PI4KA: variants seen among roughly 807,000 people sequenced by gnomAD.
PI4KA encodes phosphatidylinositol 4-kinase alpha, also known as PI4-kinase alpha.
PI4KA carries 122 observed loss-of-function variants against 271.4 expected under a neutral mutation model. The observed-to-expected ratio is 0.45, with a 90% CI of 0.39 to 0.52. The LOEUF is 0.52. PI4KA is among the 20% of genes least tolerant of loss of function. The pLI is 0.00. For synonymous variants in PI4KA, 1,041 were observed against 1,078.8 expected (o/e 0.96, Z 0.69); for missense variants, 1,969 against 2,769.1 (o/e 0.71, Z 6.48).
chr22:20,845,707 A>G (rs1926143719), intron 1 of PI4KA, among the ~76,000 whole-genome samples: 1 of 152,270 alleles, frequency 6.6e-6, no homozygotes, highest in East Asian at 1.9e-4. Context: ...TTCATTAGAG[A>G]TGCGCTTTTG....
At chr22:20,746,272 C>T in intron 29 of PI4KA, among the ~76,000 whole-genome samples, 1 of 151,842 alleles carries the variant, frequency 6.6e-6, no homozygotes, top group Non-Finnish European at 1.5e-5. Flanking sequence ...CCGTGTTGGC[C>T]AGGATGGTCT....
chr22:20,711,104 C>A (rs1925214733), intron 51 of PI4KA: 1 of 548,992 alleles, frequency 1.8e-6, no homozygotes, highest in Non-Finnish European at 3.2e-6. Flanking sequence ...CCACTCCGCC[C>A]AGCTCCAGCT....
intron 10 of PI4KA, among the ~76,000 whole-genome samples, chr22:20,805,998 T>G (rs1555900364): frequency 1.3e-5 from 2 of 152,000 alleles, no homozygotes; most frequent in Non-Finnish European, 2.9e-5. Context: ...ACCACCATGA[T>G]GCACGCACAA....
At chr22:20,831,597 AAAAACAAAAACAAAAAC>A (rs369918027) in intron 3 of PI4KA, among the ~76,000 whole-genome samples, 7,117 of 118,776 alleles carry the variant, frequency 0.06, 206 homozygotes, top group Middle Eastern at 0.12. Flanking sequence ...AAACAAAAAC[AAAAACAAAAACAAAAAC>A]AAAACAAAAC....
chr22:20,765,191 G>A lies in PI4KA; in HGVS notation c.2483C>T (p.Thr828Ile). ...EWYEGVCEIA[T>I]KSPLLTFPSK... ...GGGAAAGGTGAGCAAGGGGGACTTA[G>A]TGGCTATTTCACAGACCCCCTCGTA... is the stretch of plus-strand genomic sequence containing the variant. The change falls in exon 21 of 55, where the codon ACT becomes ATT. Residue 828 changes from threonine (T) to isoleucine (I), a missense_variant. By Grantham distance (89) the Thr-to-Ile change is moderately conservative. Coordinates refer to ENST00000255882, the MANE Select transcript of PI4KA (RefSeq NM_058004.4). The A allele has an allele frequency of 6.2e-7, 1 of 1,613,906 alleles. No homozygotes were observed.
chr22:20,834,811 C>T (rs909928883), intron 2 of PI4KA, among the ~76,000 whole-genome samples, 156 bp from the exon 3 acceptor site: 10 of 152,222 alleles, frequency 6.6e-5, no homozygotes, highest in African/African-American at 1.2e-4. Context: ...ATTCACATGG[C>T]ATCACTCCAT....
chr22:20,822,210 AATTTTT>A (rs1460742180), intron 4 of PI4KA, among the ~76,000 whole-genome samples: 1 of 151,946 alleles, frequency 6.6e-6, no homozygotes, highest in Non-Finnish European at 1.5e-5. Context: ...ATGCCCAGCT[AATTTTT>A]ATTTTTATTT....
intron 19 of PI4KA, among the ~76,000 whole-genome samples, chr22:20,769,520 T>G (rs1932780563): frequency 6.6e-6 from 1 of 151,686 alleles, no homozygotes; most frequent in African/African-American, 2.4e-5. Flanking sequence ...ATACAAAAAA[T>G]TAGCCAGGCG....
At chr22:20,787,698 T>C (rs1934360082) in intron 19 of PI4KA, 1 of 156,662 alleles carries the variant, frequency 6.4e-6, no homozygotes, top group Non-Finnish European at 1.4e-5. Flanking sequence ...TAGAGATAAA[T>C]AAATGTAGCC....
Position 20,714,485 on chromosome 22 carries a change from A to G in PI4KA, c.5434T>C (p.Cys1812Arg). 1 of 1,613,266 alleles carries G rather than the reference A, an allele frequency of 6.2e-7. No homozygotes were observed. The highest frequency in any genetic ancestry group is 8.5e-7 in the Non-Finnish European group (1 of 1,179,422). The change falls in exon 47 of 55, where the codon TGT becomes CGT. Residue 1812 changes from cysteine (C) to arginine (R), a missense_variant. Physicochemically the swap from Cys to Arg is radical, Grantham distance 180. Around this residue, in one of 13 missense-constraint regions of PI4KA, gnomAD observed 388 missense variants for 521.5 expected, o/e 0.74. Transcript: ENST00000255882. ...PYLAKFKVKR[C>R]GVSELEKEGL... ...TCTTTTTCAAGTTCACTAACTCCAC[A>G]TCGCTTCACCTTGAACTTGGCCAGA...
rs577579046 is a variant in PI4KA, at chr22:20,856,415, C to T, written c.156+2155G>A. 2.6e-5 allele frequency among the ~76,000 whole-genome samples: 4 copies of T among 151,198 alleles called. No homozygotes were observed. In the South Asian group the frequency reaches 8.3e-4, roughly 32 times the overall value. On this transcript the variant is annotated intron_variant, in intron 1 of 54. Transcript: ENST00000255882. ...GCCAACCTGTGGCTATGGCTGTGTT[C>T]CTTGTAAAATATAATCTTTTTCTTT...
chr22:20,793,305 AC>A (rs1434135299), intron 18 of PI4KA, 62 bp from the exon 19 acceptor site: 5 of 905,476 alleles, frequency 5.5e-6, no homozygotes, highest in Non-Finnish European at 9.0e-6. Context: ...AAAAAAAAAA[AC>A]ACAAGATACA....
chr22:20,792,381 C>T (rs1023844602), intron 19 of PI4KA, among the ~76,000 whole-genome samples: 1 of 152,152 alleles, frequency 6.6e-6, no homozygotes, highest in African/African-American at 2.4e-5. Context: ...CGTCCCTAGG[C>T]TGCCCTAGCA....
At chr22:20,761,230 A>T in intron 23 of PI4KA, 74 bp downstream of exon 23, 1 of 835,078 alleles carries the variant, frequency 1.2e-6, no homozygotes, top group East Asian at 2.4e-5. Context: ...TGTAGACAGA[A>T]AAGAGGAAGT....
At position 20,769,883 on chromosome 22, in the gene PI4KA, G is replaced by A. The variant is rs1932795649; in HGVS notation, c.2329-4190C>T. Among the ~76,000 whole-genome samples the A allele has an allele frequency of 2.6e-5, 4 of 152,288 alleles. 1 individual carries two copies. The South Asian group carries it at 8.3e-4, about 32-fold the overall frequency. ...TGTGATCTTCCCAGGAGTGATGGTA[G>A]CACAGCACAGGGCAGAGACCCGTCC... On this transcript the variant is annotated intron_variant, in intron 19 of 54. Transcript: ENST00000255882.
chr22:20,853,790 T>G (rs1422993405), intron 1 of PI4KA, among the ~76,000 whole-genome samples: 1 of 151,980 alleles, frequency 6.6e-6, no homozygotes, highest in East Asian at 1.9e-4. Flanking sequence ...GAATGGGATC[T>G]TGGTCAGGTT....
intron 1 of PI4KA, among the ~76,000 whole-genome samples, chr22:20,855,584 T>C (rs1190137489): frequency 6.6e-6 from 1 of 152,198 alleles, no homozygotes; most frequent in East Asian, 1.9e-4. Context: ...ACTAAAAGCA[T>C]GTCAGGGCTG....
chr22:20,840,382 G>C (rs2147782806), intron 1 of PI4KA, among the ~76,000 whole-genome samples: 1 of 152,300 alleles, frequency 6.6e-6, no homozygotes, highest in African/African-American at 2.4e-5. Flanking sequence ...TCCCCAGAGG[G>C]CCCCACAGGC....
chr22:20,785,595 T>C (rs1017368337), intron 19 of PI4KA, among the ~76,000 whole-genome samples: 2 of 152,130 alleles, frequency 1.3e-5, no homozygotes, highest in Non-Finnish European at 2.9e-5. Context: ...GTCTAGTATA[T>C]ACAGGAAAGG....
Sources: gnomAD v4.1 joint callset for allele counts (sites outside exome capture counted in the v4.1 genomes callset) on GRCh38, gnomAD v4.1.1 for gene constraint, gnomAD v4.1.1 regional missense constraint, MANE v1.5 for transcripts, NCBI Gene and HGNC (gene_info 2026-07-23, HGNC 2026-07-21) for gene names.